Variants in ZNF883 observed in about 807,000 individuals in gnomAD.
ZNF883 encodes zinc finger protein 883.
At chr9:113,000,496 G>A (rs4979206), upstream of ZNF883, among the ~76,000 whole-genome samples, 476 of 152,238 alleles carry the variant, frequency 3.1e-3, 9 homozygotes, top group Admixed American at 0.028. Context: ...TAGCAAGAAA[G>A]TATAATATGA....
upstream of ZNF883, among the ~76,000 whole-genome samples, chr9:112,999,306 T>G (rs1337194131): frequency 1.3e-5 from 2 of 152,108 alleles, no homozygotes; most frequent in Non-Finnish European, 2.9e-5. Flanking sequence ...CTCACAACAT[T>G]TCTGACAAAT....
chr9:113,007,523 T>C (rs1246610532), intron 2 of ZNF883, among the ~76,000 whole-genome samples: 1 of 152,230 alleles, frequency 6.6e-6, no homozygotes, highest in Non-Finnish European at 1.5e-5. Context: ...ATGATCCCTG[T>C]AATCAGCCAG....
At chr9:112,988,598 T>C (rs1292343711) in intron 1 of ZNF883, among the ~76,000 whole-genome samples, 1 of 152,240 alleles carries the variant, frequency 6.6e-6, no homozygotes, top group Non-Finnish European at 1.5e-5. Flanking sequence ...CTATTGTGAA[T>C]AGTGCTGCAA....
At chr9:112,988,159 T>G (rs763679454) in intron 1 of ZNF883, among the ~76,000 whole-genome samples, 1 of 152,096 alleles carries the variant, frequency 6.6e-6, no homozygotes, top group Non-Finnish European at 1.5e-5. Flanking sequence ...AATTTAATTT[T>G]AAGTTCTAGG....
intron 2 of ZNF883, among the ~76,000 whole-genome samples, chr9:113,006,897 TTAAA>T (rs946265219): frequency 1.2e-4 from 10 of 82,272 alleles, no homozygotes; most frequent in African/African-American, 4.7e-4. Context: ...TGGTAATTTT[TTAAA>T]AAAAAAAATC....
intron 2 of ZNF883, among the ~76,000 whole-genome samples, chr9:113,005,608 A>G (rs1478087709): frequency 1.3e-5 from 2 of 152,236 alleles, no homozygotes; most frequent in Non-Finnish European, 2.9e-5. Flanking sequence ...CATTACAACC[A>G]GACCAGGTTC....
chr9:112,997,593 C>CT (rs1828375574), exon 1 of ZNF883: 4 of 1,613,970 alleles, frequency 2.5e-6, no homozygotes, highest in Non-Finnish European at 3.4e-6. Context: ...TGAATGAAGG[C>CT]TGGGGTATGG....
exon 1 of ZNF883, chr9:112,997,828 A>G (rs1457220702): frequency 1.2e-6 from 2 of 1,612,612 alleles, no homozygotes; most frequent in African/African-American, 1.3e-5. Flanking sequence ...TATGAATTCT[A>G]TGATGTTGAG....
At chr9:112,998,001 G>A (rs755493441) in exon 1 of ZNF883, 4 of 1,613,662 alleles carry the variant, frequency 2.5e-6, no homozygotes, top group Admixed American at 1.7e-5. Context: ...ACTCTTTGAT[G>A]CTGAATAAGA....
At chr9:112,998,100 T>A (rs1486615385) in exon 1 of ZNF883, 1 of 1,613,984 alleles carries the variant, frequency 6.2e-7, no homozygotes, top group African/African-American at 1.3e-5. Flanking sequence ...ACAAGATTAC[T>A]GTTCCGGGTA....
At chr9:112,998,805 A>C (rs1320732377), upstream of ZNF883, 1 of 152,190 alleles carries the variant, frequency 6.6e-6, no homozygotes, top group Non-Finnish European at 1.5e-5. Flanking sequence ...CCCCATGAAT[A>C]AGTGGGGACT....
chr9:112,997,079 AAACAAT>A (rs1325447657), downstream of ZNF883: 12 of 1,509,370 alleles, frequency 8.0e-6, no homozygotes, highest in Non-Finnish European at 1.1e-5. Context: ...GCTCAGGTGT[AAACAAT>A]AACCTACGAC....
downstream of ZNF883, among the ~76,000 whole-genome samples, chr9:112,993,389 G>A (rs913219254): frequency 6.6e-6 from 1 of 152,206 alleles, no homozygotes; most frequent in African/African-American, 2.4e-5. Context: ...CACCAGTGGA[G>A]GCTGGAAAAT....
intron 1 of ZNF883, among the ~76,000 whole-genome samples, chr9:112,988,613 CAT>C: frequency 6.6e-6 from 1 of 152,306 alleles, no homozygotes; most frequent in South Asian, 2.1e-4. Context: ...CTGCAATAAA[CAT>C]ACGTGTGCAT....
chr9:112,997,738 A>C lies in ZNF883; in HGVS notation n.522T>G, dbSNP rs767298669. On this transcript the variant is annotated non_coding_transcript_exon_variant, in exon 1 of 1. Transcript: ENST00000639662. Reference sequence around the variant, plus strand: ...ACTGGTAGGATTTTTCCTCAGAATGAATTCCCTGATGTTCAATTAGGTGTG... The same window carrying C: ...ACTGGTAGGATTTTTCCTCAGAATGCATTCCCTGATGTTCAATTAGGTGTG... 1.9e-6 allele frequency: 3 copies of C among 1,613,858 alleles called. No homozygotes were observed. In the East Asian group the frequency reaches 6.7e-5, roughly 36 times the overall value.
upstream of ZNF883, chr9:112,998,906 T>C (rs1828393753): frequency 6.6e-6 from 1 of 152,268 alleles, no homozygotes; most frequent in Non-Finnish European, 1.5e-5. Flanking sequence ...GTTATATTCA[T>C]GATCATCCTT....
At chr9:113,010,984 CAAA>C (rs35069505) in intron 2 of ZNF883, among the ~76,000 whole-genome samples, 154 bp downstream of exon 2, 36,218 of 118,006 alleles carry the variant, frequency 0.31, 4,689 homozygotes, top group African/African-American at 0.44. Flanking sequence ...GACCTTGTCT[CAAA>C]AAAAAAAAAA....
chr9:112,996,833 A>G (rs1435855496), downstream of ZNF883, among the ~76,000 whole-genome samples: 1 of 131,398 alleles, frequency 7.6e-6, no homozygotes, highest in African/African-American at 2.7e-5. Context: ...AAGTTTTTTT[A>G]TAAGCAAATA....
chr9:112,993,783 A>C (rs1828324062), downstream of ZNF883, among the ~76,000 whole-genome samples: 6 of 152,326 alleles, frequency 3.9e-5, no homozygotes, highest in South Asian at 1.2e-3. Flanking sequence ...GGCCCCACCC[A>C]GTGAGGAGGA....
Sources: allele counts gnomAD v4.1 joint callset (sites outside exome capture counted in the v4.1 genomes callset), GRCh38; gene constraint gnomAD v4.1.1; transcripts MANE v1.5; gene names NCBI Gene and HGNC (gene_info 2026-07-23, HGNC 2026-07-21).